The following TACR1 variants were observed in gnomAD, a reference collection of about 807,000 sequenced individuals.
TACR1 encodes tachykinin receptor 1.
Under a neutral mutation model 35.8 loss-of-function variants are expected in TACR1, and 25 were observed. That is an observed-to-expected ratio of 0.70 (90% CI 0.51 to 0.98). The LOEUF (loss-of-function observed/expected upper bound fraction) is 0.98, where lower values mean the gene tolerates loss of function less well. Among genes scored for constraint, TACR1 ranks in the 50% least tolerant of loss-of-function variants. The pLI is 0.00. For missense variants in TACR1, 478 were observed against 522.9 expected, an observed-to-expected ratio of 0.91 and a Z score of 0.84; for synonymous variants, 195 against 206.7, an observed-to-expected ratio of 0.94 and a Z score of 0.48.
chr2:75,162,014 A>G (rs1425427659), intron 1 of TACR1, among the ~76,000 whole-genome samples: 1 of 131,414 alleles, frequency 7.6e-6, no homozygotes, highest in African/African-American at 2.9e-5. Flanking sequence ...GAGGAGACCA[A>G]TTGAGATGCT....
intron 1 of TACR1, among the ~76,000 whole-genome samples, chr2:75,178,237 T>G (rs1324893021): frequency 6.6e-6 from 1 of 151,746 alleles, no homozygotes; most frequent in Admixed American, 6.6e-5. Context: ...CAGGCTGGAG[T>G]GCAGTGGTGT....
chr2:75,151,023 G>T (rs1674658039), intron 1 of TACR1, among the ~76,000 whole-genome samples: 1 of 152,216 alleles, frequency 6.6e-6, no homozygotes, highest in Admixed American at 6.5e-5. Context: ...AGCTGATTTA[G>T]GGTATCTGGC....
At chr2:75,164,067 A>G (rs1025465252) in intron 1 of TACR1, among the ~76,000 whole-genome samples, 2 of 152,058 alleles carry the variant, frequency 1.3e-5, no homozygotes, top group African/African-American at 2.4e-5. Context: ...GTGGTTCACA[A>G]CTGTAATCCC....
intron 1 of TACR1, among the ~76,000 whole-genome samples, chr2:75,165,027 A>T (rs562998506): frequency 1.3e-5 from 2 of 152,120 alleles, no homozygotes; most frequent in African/African-American, 2.4e-5. Context: ...GATGCATGGG[A>T]CCCAGCATGA....
At chr2:75,057,674 A>G (rs1202758905) in intron 2 of TACR1, among the ~76,000 whole-genome samples, 13 of 152,196 alleles carry the variant, frequency 8.5e-5, no homozygotes, top group Admixed American at 8.5e-4. Flanking sequence ...CAGGAGTTGG[A>G]GGGAGGAGAT....
chr2:75,104,147 G>A (rs1262925573), intron 2 of TACR1, among the ~76,000 whole-genome samples: 1 of 151,984 alleles, frequency 6.6e-6, no homozygotes, highest in Non-Finnish European at 1.5e-5. Context: ...TAAGACTAAA[G>A]TATATTCTGC....
intron 2 of TACR1, among the ~76,000 whole-genome samples, chr2:75,071,825 C>G (rs908335903): frequency 2.6e-5 from 4 of 152,210 alleles, no homozygotes; most frequent in African/African-American, 9.6e-5. Flanking sequence ...CCCTCCTGCT[C>G]TCCCTCTCTT....
At chr2:75,110,658 TTAA>T (rs1673732493) in intron 2 of TACR1, among the ~76,000 whole-genome samples, 1 of 151,994 alleles carries the variant, frequency 6.6e-6, no homozygotes, top group South Asian at 2.1e-4. Context: ...ATCGGTATTA[TTAA>T]TATTTTCACA....
intron 2 of TACR1, among the ~76,000 whole-genome samples, chr2:75,063,495 A>G (rs192162338): frequency 2.0e-5 from 3 of 152,360 alleles, no homozygotes; most frequent in Non-Finnish European, 4.4e-5. Context: ...AAGAAACTCC[A>G]AATATTTTTT....
At chr2:75,115,769 T>G (rs2103897106) in intron 2 of TACR1, among the ~76,000 whole-genome samples, 1 of 151,742 alleles carries the variant, frequency 6.6e-6, no homozygotes, top group South Asian at 2.1e-4. Context: ...TAGCCGGGCA[T>G]GGTGGCGGGT....
chr2:75,129,915 C>T (rs1369699394), intron 1 of TACR1, among the ~76,000 whole-genome samples: 2 of 152,156 alleles, frequency 1.3e-5, no homozygotes, highest in African/African-American at 2.4e-5. Context: ...ATTTCCCTGC[C>T]TCCTCCTCAC....
At chr2:75,197,748 C>A (rs975321524) in intron 1 of TACR1, among the ~76,000 whole-genome samples, 1 of 152,194 alleles carries the variant, frequency 6.6e-6, no homozygotes, top group African/African-American at 2.4e-5. Flanking sequence ...CTTTGCCAAG[C>A]ATGTTTCTCT....
chr2:75,072,400 T>G (rs113197279), intron 2 of TACR1, among the ~76,000 whole-genome samples: 1,684 of 152,246 alleles, frequency 0.011, 29 homozygotes, highest in African/African-American at 0.039. Flanking sequence ...TTTCCCGTCT[T>G]TTGCTGGCAT....
intron 1 of TACR1, among the ~76,000 whole-genome samples, chr2:75,166,972 G>A (rs1675158959): frequency 6.6e-6 from 1 of 152,094 alleles, no homozygotes; most frequent in South Asian, 2.1e-4. Context: ...GAGGCAGTTA[G>A]TTACTAAATA....
chr2:75,112,865 T>C (rs1282740619), intron 2 of TACR1, among the ~76,000 whole-genome samples: 1 of 152,210 alleles, frequency 6.6e-6, no homozygotes, highest in Admixed American at 6.5e-5. Context: ...CTCAAAAACA[T>C]AACATTACTG....
chr2:75,168,273 A>G (rs776691086), intron 1 of TACR1, among the ~76,000 whole-genome samples: 1 of 152,220 alleles, frequency 6.6e-6, no homozygotes, highest in Non-Finnish European at 1.5e-5. Flanking sequence ...CTCTAATCCC[A>G]GGAGTCTGTG....
chr2:75,059,015 T>C (rs1203309690), intron 2 of TACR1, among the ~76,000 whole-genome samples: 2 of 152,240 alleles, frequency 1.3e-5, no homozygotes, highest in African/African-American at 2.4e-5. Flanking sequence ...GGCACAGCTC[T>C]GGGTTCTCCA....
At chr2:75,087,397 C>A (rs1461810309) in intron 2 of TACR1, among the ~76,000 whole-genome samples, 1 of 152,142 alleles carries the variant, frequency 6.6e-6, no homozygotes, top group Non-Finnish European at 1.5e-5. Context: ...CTTCTGCAAA[C>A]CTCCCTTTGC....
Position 75,049,575 on chromosome 2 carries a change from C to T in TACR1, c.1081G>A (p.Val361Met). The T allele has an allele frequency of 6.2e-7, 1 of 1,614,182 alleles. No homozygotes were observed. Among genetic ancestry groups the T allele is most frequent in the Non-Finnish European group, 8.5e-7 (1 of 1,179,990 alleles). ...GGCTCCTCCTCGTGGGCCCCCACCA[C>T]TGTGGAGATGGTGGTCTCCAGGCGG... ...VSRLETTIST[V>M]VGAHEEEPED... Residue 361 changes from valine to methionine, a missense_variant, in exon 5 of 5, where the codon GTG (valine) becomes ATG (methionine). By Grantham distance (21) the Val-to-Met change is conservative (BLOSUM62 1). Transcript: ENST00000305249.
Sources: allele counts gnomAD v4.1 joint callset (sites outside exome capture counted in the v4.1 genomes callset), GRCh38; gene constraint gnomAD v4.1.1; transcripts MANE v1.5; gene names NCBI Gene and HGNC (gene_info 2026-07-23, HGNC 2026-07-21).